Variants in STARD13 observed in about 807,000 individuals in gnomAD.
The protein encoded by STARD13 is StAR related lipid transfer domain containing 13.
In STARD13, 62 loss-of-function variants were observed where a neutral mutation model predicts 106.4. That is an observed-to-expected ratio of 0.58 (90% CI 0.48 to 0.72). STARD13 has a LOEUF of 0.72. Among genes scored for constraint, STARD13 ranks in the 30% least tolerant of loss-of-function variants. The pLI is 0.00. For synonymous variants in STARD13, 565 were observed against 553.0 expected, an observed-to-expected ratio of 1.02 and a Z score of -0.31; for missense variants, 1,387 against 1,424.0, an observed-to-expected ratio of 0.97 and a Z score of 0.42.
At chr13:33,453,258 A>T in the STARD13 span, among the ~76,000 whole-genome samples, 1 of 152,366 alleles carries the variant, frequency 6.6e-6, no homozygotes, top group Non-Finnish European at 1.5e-5. Context: ...AAAACATGCT[A>T]TGCTTCATAA....
chr13:33,448,668 G>A, the STARD13 span, among the ~76,000 whole-genome samples: 1 of 152,052 alleles, frequency 6.6e-6, no homozygotes, highest in Non-Finnish European at 1.5e-5. Context: ...TAATGTTTTT[G>A]AGGCACCGCC....
chr13:33,595,111 A>G, the STARD13 span, among the ~76,000 whole-genome samples: 1 of 152,218 alleles, frequency 6.6e-6, no homozygotes, highest in Non-Finnish European at 1.5e-5. Flanking sequence ...TAGACCTGAC[A>G]TTGAACAAAA....
In STARD13 at chr13:33,207,449, T is replaced by TCACTCTA. The variant is rs777455737; in HGVS notation, c.170-39828_170-39827insTAGAGTG. Among the ~76,000 whole-genome samples, 129 of 151,948 alleles carry TCACTCTA rather than the reference T, an allele frequency of 8.5e-4. 1 individual carries two copies. In the Middle Eastern group the frequency reaches 0.01, roughly 12 times the overall value. On this transcript the variant is annotated intron_variant, in intron 1 of 13. Transcript: ENST00000336934. Reference sequence around the variant, plus strand: ...GAGGTACTCACTCTAAGAGAGGGAGTATAGAGTATTGTGAGAAGCCTGAGT... The same window carrying TCACTCTA: ...GAGGTACTCACTCTAAGAGAGGGAGTCACTCTAATAGAGTATTGTGAGAAGCCTGAGT...
intron 1 of STARD13, among the ~76,000 whole-genome samples, chr13:33,306,875 G>A (rs375038403): frequency 9.9e-5 from 15 of 152,066 alleles, no homozygotes; most frequent in South Asian, 2.1e-4. Context: ...ACTCAAACCC[G>A]GGAGGTGGAG....
At chr13:33,660,882 C>T in the STARD13 span, among the ~76,000 whole-genome samples, 1 of 152,156 alleles carries the variant, frequency 6.6e-6, no homozygotes, top group Admixed American at 6.5e-5. Context: ...CTGTGCCTGG[C>T]CTGTGCTGTT....
At chr13:33,576,132 G>A in the STARD13 span, among the ~76,000 whole-genome samples, 1 of 152,210 alleles carries the variant, frequency 6.6e-6, no homozygotes, top group Non-Finnish European at 1.5e-5. Context: ...GAACTAGTGA[G>A]TGGATTAATA....
At chr13:33,583,470 C>T in the STARD13 span, among the ~76,000 whole-genome samples, 2 of 152,308 alleles carry the variant, frequency 1.3e-5, no homozygotes, top group African/African-American at 4.8e-5. Flanking sequence ...TGCAAAACTC[C>T]GTCTTAGACC....
At chr13:33,444,466 A>T in the STARD13 span, among the ~76,000 whole-genome samples, 1 of 152,158 alleles carries the variant, frequency 6.6e-6, no homozygotes, top group South Asian at 2.1e-4. Flanking sequence ...TTTGAGTTAC[A>T]TTTAAGGGTA....
At chr13:33,454,851 T>G in the STARD13 span, among the ~76,000 whole-genome samples, 1 of 152,146 alleles carries the variant, frequency 6.6e-6, no homozygotes, top group Non-Finnish European at 1.5e-5. Context: ...GAAGAGATGA[T>G]GGCAGCATGT....
At chr13:33,202,320 T>C (rs762052193) in intron 1 of STARD13, among the ~76,000 whole-genome samples, 1 of 152,214 alleles carries the variant, frequency 6.6e-6, no homozygotes, top group Non-Finnish European at 1.5e-5. Context: ...CTGACAACAG[T>C]CTATATGCTG....
Position 33,304,147 on chromosome 13 carries a change from C to T in STARD13, c.124+46143G>A, listed in dbSNP as rs542540295. Among the ~76,000 whole-genome samples, 10 of 152,350 alleles carry T rather than the reference C, an allele frequency of 6.6e-5. No individual in the cohort carries two copies. In the East Asian group the frequency reaches 7.7e-4, roughly 12 times the overall value. ...CACTCACTGCAGACACACCACAGGC[C>T]GAAGGCCCTTACTTCTGAGGTTTTA... On this transcript the variant is annotated intron_variant, in intron 1 of 5. Transcript: ENST00000567873.
intron 1 of STARD13, chr13:33,279,550 T>C (rs750485612): frequency 2.6e-5 from 4 of 152,166 alleles, no homozygotes; most frequent in Admixed American, 6.5e-5. Flanking sequence ...CCTGGACGAT[T>C]GGCACAGAAG....
At chr13:33,609,995 A>G in the STARD13 span, among the ~76,000 whole-genome samples, 1 of 152,256 alleles carries the variant, frequency 6.6e-6, no homozygotes, top group South Asian at 2.1e-4. Flanking sequence ...GCTCCTGAAT[A>G]GAATCGATTT....
the STARD13 span, among the ~76,000 whole-genome samples, chr13:33,460,719 G>A: frequency 6.6e-6 from 1 of 151,316 alleles, no homozygotes; most frequent in Non-Finnish European, 1.5e-5. Flanking sequence ...AAAGCATCAT[G>A]TAGAATCAAC....
intron 12 of STARD13, among the ~76,000 whole-genome samples, chr13:33,107,300 T>C (rs528720667): frequency 3.9e-5 from 6 of 152,262 alleles, no homozygotes; most frequent in Middle Eastern, 3.4e-3. Flanking sequence ...ATTAAGCAGA[T>C]AGACATGCCA....
At chr13:33,163,394 A>T (rs866598485) in intron 3 of STARD13, among the ~76,000 whole-genome samples, 1 of 151,802 alleles carries the variant, frequency 6.6e-6, no homozygotes, top group Non-Finnish European at 1.5e-5. Flanking sequence ...GTTTCAGACC[A>T]GCCTGGCCAA....
chr13:33,182,011 C>A (rs887260145), intron 1 of STARD13, among the ~76,000 whole-genome samples: 1 of 152,164 alleles, frequency 6.6e-6, no homozygotes, highest in African/African-American at 2.4e-5. Context: ...CAATCATAAC[C>A]ATAGAAAAAG....
At chr13:33,345,528 C>T (rs1258043742), downstream of STARD13, among the ~76,000 whole-genome samples, 2 of 152,064 alleles carry the variant, frequency 1.3e-5, no homozygotes, top group Non-Finnish European at 2.9e-5. Flanking sequence ...AAACAATTAC[C>T]ATCATTATTG....
the STARD13 span, among the ~76,000 whole-genome samples, chr13:33,462,852 C>G: frequency 8.5e-5 from 13 of 152,270 alleles, no homozygotes; most frequent in African/African-American, 2.4e-4. Context: ...AAATGTTAAT[C>G]TCCTTTGGCA....
Sources: allele counts gnomAD v4.1 joint callset (sites outside exome capture counted in the v4.1 genomes callset), GRCh38; gene constraint gnomAD v4.1.1; transcripts MANE v1.5; gene names NCBI Gene and HGNC (gene_info 2026-07-23, HGNC 2026-07-21).